SCN2A: variants seen among roughly 807,000 people sequenced by gnomAD.
SCN2A encodes sodium voltage-gated channel alpha subunit 2, also known as sodium channel protein type 2 subunit alpha.
A neutral mutation model predicts 188.7 loss-of-function variants in SCN2A; 20 were observed. That is an observed-to-expected ratio of 0.11 (90% CI 0.07 to 0.15). The LOEUF (loss-of-function observed/expected upper bound fraction) is 0.15, where lower values mean the gene tolerates loss of function less well. SCN2A is among the 10% of genes least tolerant of loss of function. The pLI is 1.00. For missense variants in SCN2A, 1,278 were observed against 2,445.0 expected (o/e 0.52, Z 10.07); for synonymous variants, 804 against 833.1 (o/e 0.97, Z 0.60).
intron 1 of SCN2A, among the ~76,000 whole-genome samples, chr2:165,291,436 C>CTCTCTCTTTCTT (rs1696135107): frequency 1.5e-5 from 1 of 65,406 alleles, no homozygotes; most frequent in Non-Finnish European, 3.1e-5. Flanking sequence ...GTCTTTCTTT[C>CTCTCTCTTTCTT]TCTTTCTTTC....
At chr2:165,377,428 T>A (rs1313635114) in intron 22 of SCN2A, among the ~76,000 whole-genome samples, 169 bp from the exon 23 acceptor site, 1 of 152,018 alleles carries the variant, frequency 6.6e-6, no homozygotes, top group Non-Finnish European at 1.5e-5. Flanking sequence ...AAATTTGAAG[T>A]ATTTTCAATG....
intron 12 of SCN2A, among the ~76,000 whole-genome samples, chr2:165,324,433 T>C (rs1698246270): frequency 6.6e-6 from 1 of 152,226 alleles, no homozygotes; most frequent in South Asian, 2.1e-4. Flanking sequence ...AGGAGCTTCT[T>C]ATCTTGGATT....
chr2:165,239,718 G>A (rs1455049497), intron 1 of SCN2A, 78 bp downstream of exon 1: 1 of 645,374 alleles, frequency 1.5e-6, no homozygotes, highest in African/African-American at 2.0e-5. Context: ...TATAAGATGT[G>A]TGCTTTGTTA....
At chr2:165,255,234 TA>T (rs1694262785) in intron 1 of SCN2A, among the ~76,000 whole-genome samples, 2 of 152,028 alleles carry the variant, frequency 1.3e-5, no homozygotes, top group African/African-American at 4.8e-5. Flanking sequence ...TTCCCATCTT[TA>T]TTTTTTCTTC....
rs1364091068 is a variant in SCN2A, at chr2:165,354,575, C to T, written c.3303C>T (p.Leu1101=). The change falls in exon 17 of 27, where the codon CTC becomes CTT. Residue 1101 remains leucine, a synonymous_variant. Coordinates refer to ENST00000375437, the MANE Select transcript of SCN2A (RefSeq NM_001040142.2). ...DYMSFINNPS[L]TVTVPIAVGE... is the part of the protein sequence containing the mutation. ...TGTCATTTATAAACAACCCTAGCCT[C>T]ACTGTGACAGTACCAATTGCTGTTG... 2 of 1,614,062 alleles carry T rather than the reference C, an allele frequency of 1.2e-6. No individual in the cohort carries two copies. The highest frequency in any genetic ancestry group is 2.2e-5 in the South Asian group (2 of 91,080).
chr2:165,282,275 G>T (rs937171388), intron 1 of SCN2A, among the ~76,000 whole-genome samples: 1 of 152,142 alleles, frequency 6.6e-6, no homozygotes, highest in Non-Finnish European at 1.5e-5. Context: ...CCACCAGTTT[G>T]GGTGGCAGGC....
At chr2:165,295,690 T>A in intron 1 of SCN2A, 83 bp from the exon 2 acceptor site, 1 of 1,283,094 alleles carries the variant, frequency 7.8e-7, no homozygotes, top group Non-Finnish European at 1.1e-6. Context: ...CTATGCTGTA[T>A]CTCAGTGCTC....
intron 14 of SCN2A, among the ~76,000 whole-genome samples, chr2:165,340,591 G>A (rs1278189569): frequency 3.9e-5 from 6 of 152,024 alleles, no homozygotes; most frequent in Non-Finnish European, 7.4e-5. Flanking sequence ...GAGACTAGGA[G>A]GTATGCTTGA....
At chr2:165,249,159 A>T (rs1309448704) in intron 1 of SCN2A, among the ~76,000 whole-genome samples, 2 of 152,102 alleles carry the variant, frequency 1.3e-5, no homozygotes, top group Non-Finnish European at 1.5e-5. Flanking sequence ...CTTGGTCATC[A>T]TATCTGTCTC....
At chr2:165,312,328 A>C (rs1697478456) in intron 8 of SCN2A, among the ~76,000 whole-genome samples, 1 of 152,168 alleles carries the variant, frequency 6.6e-6, no homozygotes, top group African/African-American at 2.4e-5. Context: ...GTTCAATGTA[A>C]AATAGAGAAT....
intron 6 of SCN2A, among the ~76,000 whole-genome samples, chr2:165,309,774 C>A (rs1405122814): frequency 6.6e-6 from 1 of 152,074 alleles, no homozygotes; most frequent in East Asian, 1.9e-4. Flanking sequence ...ACAGTTTAGG[C>A]CTAAAACTGG....
At chr2:165,277,051 C>A (rs1225182432) in intron 1 of SCN2A, among the ~76,000 whole-genome samples, 1 of 151,834 alleles carries the variant, frequency 6.6e-6, no homozygotes, top group Non-Finnish European at 1.5e-5. Flanking sequence ...CAGAGCAAGA[C>A]TCCGTCTCAA....
intron 19 of SCN2A, among the ~76,000 whole-genome samples, chr2:165,369,205 G>A (rs927895219): frequency 1.3e-5 from 2 of 152,030 alleles, no homozygotes; most frequent in African/African-American, 2.4e-5. Context: ...CTGGAACGAC[G>A]GGCGTGAACC....
At chr2:165,249,581 C>T (rs940922039) in intron 1 of SCN2A, among the ~76,000 whole-genome samples, 3 of 151,974 alleles carry the variant, frequency 2.0e-5, no homozygotes, top group Non-Finnish European at 4.4e-5. Flanking sequence ...TTTTCCTGCT[C>T]AATTCAGTTG....
chr2:165,263,187 T>C (rs1694683610), intron 1 of SCN2A, among the ~76,000 whole-genome samples: 1 of 152,206 alleles, frequency 6.6e-6, no homozygotes, highest in African/African-American at 2.4e-5. Context: ...TCCCACTCTG[T>C]GGGTTGTCTG....
chr2:165,244,005 G>A (rs1349157018), intron 1 of SCN2A, among the ~76,000 whole-genome samples: 1 of 152,132 alleles, frequency 6.6e-6, no homozygotes, highest in East Asian at 1.9e-4. Context: ...ACTTCGGGAG[G>A]TCGAGGTAGG....
intron 22 of SCN2A, among the ~76,000 whole-genome samples, chr2:165,376,801 T>C (rs1215085149): frequency 6.6e-6 from 1 of 151,950 alleles, no homozygotes; most frequent in Non-Finnish European, 1.5e-5. Flanking sequence ...ATGAAAACTT[T>C]CCAATTAAGA....
intron 1 of SCN2A, among the ~76,000 whole-genome samples, chr2:165,248,713 T>A (rs1031597243): frequency 3.3e-5 from 5 of 152,162 alleles, no homozygotes; most frequent in African/African-American, 1.2e-4. Flanking sequence ...CTCTTGTTGG[T>A]AATTTAAGCC....
intron 1 of SCN2A, chr2:165,285,706 G>T: frequency 4.5e-6 from 1 of 223,796 alleles, no homozygotes. Context: ...CTCAGCTCTA[G>T]CAATCCAGCT....
Sources: gnomAD v4.1 joint callset for allele counts (sites outside exome capture counted in the v4.1 genomes callset) on GRCh38, gnomAD v4.1.1 for gene constraint, MANE v1.5 for transcripts, NCBI Gene and HGNC (gene_info 2026-07-23, HGNC 2026-07-21) for gene names.